The following SMYD3 variants were observed in gnomAD, a reference collection of about 807,000 sequenced individuals.
SMYD3 encodes SET and MYND domain containing 3, also known as histone-lysine N-methyltransferase SMYD3.
SMYD3 carries 36 observed loss-of-function variants against 57.7 expected under a neutral mutation model. The ratio of observed to expected loss-of-function variants is 0.62; its 90% CI spans 0.48 to 0.82. The LOEUF is 0.82. Ranked by LOEUF, SMYD3 falls within the 40% of genes least tolerant of loss-of-function variation. SMYD3 has a pLI of 0.00. For missense variants in SMYD3, 515 were observed against 538.8 expected (o/e 0.96, Z 0.44); for synonymous variants, 211 against 195.0 (o/e 1.08, Z -0.68).
intron 1 of SMYD3, among the ~76,000 whole-genome samples, chr1:246,458,204 C>T (rs1433132801): frequency 6.6e-6 from 1 of 151,976 alleles, no homozygotes; most frequent in African/African-American, 2.4e-5. Context: ...AATGACTGAG[C>T]CCACATGTAG....
chr1:245,977,711 A>G (rs568974701), intron 5 of SMYD3, among the ~76,000 whole-genome samples: 1 of 152,270 alleles, frequency 6.6e-6, no homozygotes, highest in East Asian at 1.9e-4. Context: ...AAAACTTAAA[A>G]GATTCTCCCT....
At chr1:246,399,217 T>C (rs1176560287) in intron 1 of SMYD3, among the ~76,000 whole-genome samples, 2 of 151,654 alleles carry the variant, frequency 1.3e-5, no homozygotes, top group Non-Finnish European at 2.9e-5. Context: ...AGAGACAGGG[T>C]TTCACCATGT....
At chr1:246,380,108 G>A (rs2066363843) in intron 1 of SMYD3, among the ~76,000 whole-genome samples, 1 of 151,730 alleles carries the variant, frequency 6.6e-6, no homozygotes, top group South Asian at 2.1e-4. Context: ...TCATATCTCA[G>A]AAAAATATTC....
intron 5 of SMYD3, among the ~76,000 whole-genome samples, chr1:246,200,142 A>G (rs12691526): frequency 0.15 from 1,385 of 9,198 alleles, 22 homozygotes; most frequent in South Asian, 0.28. Flanking sequence ...GAAGATAGAG[A>G]ACAGTGTAGA....
At chr1:246,033,500 T>C (rs2059715421) in intron 5 of SMYD3, among the ~76,000 whole-genome samples, 1 of 152,162 alleles carries the variant, frequency 6.6e-6, no homozygotes, top group Non-Finnish European at 1.5e-5. Context: ...AAAACATCAA[T>C]GTTCTGGCCG....
chr1:246,087,669 G>A (rs1386999202), intron 5 of SMYD3, among the ~76,000 whole-genome samples: 2 of 152,084 alleles, frequency 1.3e-5, no homozygotes, highest in East Asian at 1.9e-4. Context: ...GTGCAATAAC[G>A]GCATGACTGC....
At chr1:245,882,767 A>G (rs2052858033) in intron 8 of SMYD3, among the ~76,000 whole-genome samples, 1 of 152,218 alleles carries the variant, frequency 6.6e-6, no homozygotes, top group South Asian at 2.1e-4. Flanking sequence ...GTTGACACAA[A>G]ACGTTTAAAT....
At chr1:245,904,029 G>T (rs966138680) in intron 8 of SMYD3, among the ~76,000 whole-genome samples, 2 of 152,178 alleles carry the variant, frequency 1.3e-5, no homozygotes, top group African/African-American at 4.8e-5. Context: ...CAGAATATGG[G>T]TTTTTCTTTT....
At position 245,793,271 on chromosome 1, in the gene SMYD3, T is replaced by C. The variant is rs1004660989; in HGVS notation, c.1077-29122A>G. Among the ~76,000 whole-genome samples the C allele has an allele frequency of 4.0e-5, 6 of 151,608 alleles. No individual in the cohort carries two copies. The South Asian group carries it at 1.0e-3, about 26-fold the overall frequency. ...TTGAAGTGAGCCGAGATCGTGCCACTGCACTCCAGCTTGGGCGAGACTCCG... is the reference window on the plus strand; with the variant it reads ...TTGAAGTGAGCCGAGATCGTGCCACCGCACTCCAGCTTGGGCGAGACTCCG... On this transcript the variant is annotated intron_variant, in intron 10 of 11. Transcript: ENST00000490107.
intron 5 of SMYD3, among the ~76,000 whole-genome samples, chr1:246,054,871 T>TAGAAAAA (rs2060121681): frequency 1.2e-5 from 1 of 81,800 alleles, no homozygotes; most frequent in Non-Finnish European, 2.1e-5. Context: ...TTAGGATGAC[T>TAGAAAAA]ATAAAAAAAA....
At chr1:246,252,482 G>A (rs1416349907) in intron 5 of SMYD3, among the ~76,000 whole-genome samples, 3 of 152,154 alleles carry the variant, frequency 2.0e-5, no homozygotes, top group African/African-American at 7.2e-5. Flanking sequence ...TAAGCAGTAT[G>A]AAGAAACATA....
intron 5 of SMYD3, among the ~76,000 whole-genome samples, chr1:246,282,337 A>AAAAAAAAAAAAAAT (rs2064466579): frequency 7.6e-6 from 1 of 130,780 alleles, no homozygotes; most frequent in Non-Finnish European, 1.6e-5. Flanking sequence ...AAAAAAAAAA[A>AAAAAAAAAAAAAAT]AAAGCAAAAA....
intron 5 of SMYD3, among the ~76,000 whole-genome samples, chr1:246,311,621 C>T (rs1368923888): frequency 7.1e-6 from 1 of 140,230 alleles, no homozygotes; most frequent in Middle Eastern, 3.7e-3. Flanking sequence ...AACACTCACA[C>T]GCACACGCAC....
At chr1:246,402,564 T>A (rs1252588029) in intron 1 of SMYD3, among the ~76,000 whole-genome samples, 1 of 152,160 alleles carries the variant, frequency 6.6e-6, no homozygotes, top group African/African-American at 2.4e-5. Flanking sequence ...GTTATGTTCT[T>A]ATGAATCAAT....
intron 5 of SMYD3, among the ~76,000 whole-genome samples, chr1:246,250,952 G>A (rs1192557163): frequency 6.6e-6 from 1 of 152,102 alleles, no homozygotes; most frequent in Admixed American, 6.5e-5. Flanking sequence ...TGTTTCAGAT[G>A]CTATTTTTTC....
chr1:246,118,801 T>C (rs1402822710), intron 5 of SMYD3, among the ~76,000 whole-genome samples: 8 of 131,380 alleles, frequency 6.1e-5, no homozygotes, highest in African/African-American at 2.4e-4. Flanking sequence ...TTAAAAGGTA[T>C]GAGGCACGTG....
At chr1:246,231,134 C>T (rs1484123060) in intron 5 of SMYD3, among the ~76,000 whole-genome samples, 2 of 152,118 alleles carry the variant, frequency 1.3e-5, no homozygotes, top group Non-Finnish European at 2.9e-5. Flanking sequence ...TGGACGTGCT[C>T]GGATGCTTGT....
chr1:246,382,480 G>A (rs2066404835), intron 1 of SMYD3, among the ~76,000 whole-genome samples: 1 of 151,958 alleles, frequency 6.6e-6, no homozygotes. Context: ...TAGGCACCAG[G>A]CTAGCACCTG....
chr1:246,269,660 C>G (rs1422086163), intron 5 of SMYD3, among the ~76,000 whole-genome samples: 1 of 151,856 alleles, frequency 6.6e-6, no homozygotes, highest in Non-Finnish European at 1.5e-5. Flanking sequence ...CCTCAACCTC[C>G]CGAGCCCAAG....
Sources: gnomAD v4.1 joint callset for allele counts (sites outside exome capture counted in the v4.1 genomes callset) on GRCh38, gnomAD v4.1.1 for gene constraint, MANE v1.5 for transcripts, NCBI Gene and HGNC (gene_info 2026-07-23, HGNC 2026-07-21) for gene names.